Variants in MSANTD7 observed in about 807,000 individuals in gnomAD.
MSANTD7 encodes Myb/SANT DNA binding domain containing 7.
chr10:14,845,725 C>T, the MSANTD7 span: 366 of 188,214 alleles, frequency 1.9e-3, 8 homozygotes, highest in East Asian at 0.055. Flanking sequence ...ACATGCCCAA[C>T]TCATTTTTGT....
chr10:14,839,038 A>G, the MSANTD7 span, among the ~76,000 whole-genome samples: 2 of 152,178 alleles, frequency 1.3e-5, no homozygotes, highest in African/African-American at 4.8e-5. Context: ...GGGAGGCTGC[A>G]GTCGAGCTGG....
the MSANTD7 span, chr10:14,840,236 A>G: frequency 1.5e-6 from 1 of 683,926 alleles, no homozygotes; most frequent in African/African-American, 1.9e-5. Flanking sequence ...AAAAGAAATT[A>G]GAAACAGCAT....
chr10:14,838,623 C>G, the MSANTD7 span: 2 of 631,722 alleles, frequency 3.2e-6, no homozygotes, highest in African/African-American at 3.9e-5. Flanking sequence ...GGCCCGGCCT[C>G]GCGCCTGGCG....
At chr10:14,842,781 G>C in the MSANTD7 span, 14 of 1,536,394 alleles carry the variant, frequency 9.1e-6, no homozygotes, top group African/African-American at 1.4e-5. The surrounding 1 kb of genome is among the most constrained non-coding windows in gnomAD (Gnocchi z 5.2). Context: ...TGTCAGCTAA[G>C]AATCAGTGAC....
At chr10:14,844,341 G>A in the MSANTD7 span, 23 of 1,033,430 alleles carry the variant, frequency 2.2e-5, no homozygotes, top group Non-Finnish European at 2.6e-5. Context: ...GGCCTTGGCT[G>A]AGGTAAGGCA....
At chr10:14,840,171 T>C in the MSANTD7 span, 1 of 1,275,794 alleles carries the variant, frequency 7.8e-7, no homozygotes, top group Admixed American at 2.4e-5. Context: ...TGGAATCAAA[T>C]GATACTTTTA....
At chr10:14,840,301 TA>T in the MSANTD7 span, 5 of 327,768 alleles carry the variant, frequency 1.5e-5, no homozygotes, top group African/African-American at 1.1e-4. Flanking sequence ...GTACCCCCAG[TA>T]GGCAGTGTCT....
chr10:14,846,967 G>C, the MSANTD7 span: 6 of 985,188 alleles, frequency 6.1e-6, no homozygotes, highest in Non-Finnish European at 7.2e-6. Context: ...CGGTAATCCT[G>C]GTGTGGACAA....
the MSANTD7 span, chr10:14,844,068 A>G: frequency 7.0e-7 from 1 of 1,426,402 alleles, no homozygotes; most frequent in Non-Finnish European, 9.1e-7. Context: ...TCTCCACCAA[A>G]TGGAAGACCT....
the MSANTD7 span, among the ~76,000 whole-genome samples, chr10:14,838,740 G>A: frequency 2.6e-5 from 4 of 152,156 alleles, no homozygotes; most frequent in Admixed American, 1.3e-4. Context: ...TCCCAGGGAC[G>A]ACGTAGCTGC....
the MSANTD7 span, chr10:14,840,242 A>T: frequency 4.7e-6 from 3 of 644,718 alleles, no homozygotes; most frequent in East Asian, 1.1e-4. Context: ...AATTAGAAAC[A>T]GCATAGTTTG....
chr10:14,840,246 T>C, the MSANTD7 span: 2 of 612,632 alleles, frequency 3.3e-6, no homozygotes, highest in South Asian at 8.4e-5. Context: ...AGAAACAGCA[T>C]AGTTTGTTTC....
chr10:14,845,999 T>C, the MSANTD7 span: 2 of 934,962 alleles, frequency 2.1e-6, no homozygotes, highest in Non-Finnish European at 2.6e-6. Flanking sequence ...AATTGTAATA[T>C]TTTCTGTCAC....
At chr10:14,844,035 T>C in the MSANTD7 span, 1 of 1,441,892 alleles carries the variant, frequency 6.9e-7, no homozygotes, top group Non-Finnish European at 9.0e-7. Context: ...ATGAAAATAA[T>C]TGCTAGTTCA....
At chr10:14,846,331 G>A in the MSANTD7 span, 1 of 985,238 alleles carries the variant, frequency 1.0e-6, no homozygotes, top group East Asian at 1.1e-4. Flanking sequence ...GCATAAGACA[G>A]GGATTTCTTT....
At chr10:14,845,646 T>A in the MSANTD7 span, 13 of 583,712 alleles carry the variant, frequency 2.2e-5, no homozygotes, top group Non-Finnish European at 2.6e-5. Context: ...CAGGCTGGGG[T>A]GCAGTGGTGC....
chr10:14,842,789 G>A, the MSANTD7 span: 1 of 1,536,230 alleles, frequency 6.5e-7, no homozygotes, highest in South Asian at 1.2e-5. The surrounding 1 kb of genome is among the most constrained non-coding windows in gnomAD (Gnocchi z 5.2). Context: ...AAGAATCAGT[G>A]ACCGGATACG....
the MSANTD7 span, among the ~76,000 whole-genome samples, chr10:14,841,760 A>G: frequency 6.6e-6 from 1 of 152,242 alleles, no homozygotes; most frequent in Non-Finnish European, 1.5e-5. Flanking sequence ...ACACAGAGCC[A>G]CAGCGTGCTG....
chr10:14,838,559 G>A, the MSANTD7 span: 2 of 1,207,766 alleles, frequency 1.7e-6, no homozygotes, highest in Non-Finnish European at 2.3e-6. Flanking sequence ...GCCGGCCTAG[G>A]GATGTCGTGG....
Sources: gnomAD v4.1 joint callset for allele counts (sites outside exome capture counted in the v4.1 genomes callset) on GRCh38, gnomAD v4.1.1 for gene constraint, Gnocchi (gnomAD v3.1) non-coding constraint, MANE v1.5 for transcripts, NCBI Gene and HGNC (gene_info 2026-07-23, HGNC 2026-07-21) for gene names.